The following KIF5C variants were observed in gnomAD, a reference collection of about 807,000 sequenced individuals.
KIF5C encodes kinesin heavy chain isoform 5C.
A neutral mutation model predicts 125.2 loss-of-function variants in KIF5C; 18 were observed. That is an observed-to-expected ratio of 0.14 (90% CI 0.10 to 0.21). The LOEUF is 0.21. Among genes scored for constraint, KIF5C ranks in the 10% least tolerant of loss-of-function variants. The pLI, the probability that KIF5C is intolerant of heterozygous loss-of-function variation, is 1.00. For missense variants in KIF5C, 780 were observed against 1,183.8 expected, an observed-to-expected ratio of 0.66 and a Z score of 5.01; for synonymous variants, 405 against 434.0, an observed-to-expected ratio of 0.93 and a Z score of 0.83.
chr2:148,875,575 G>GCCCCCCCC lies in KIF5C; in HGVS notation c.-37_-36insCCCCCCCC. ...TCCTCCCTCGTCGTTCCCGGCCCCG[G>GCCCCCCCC]CCCCCCACCCATCCCCGTGCCCCCT... On this transcript the variant is annotated 5_prime_UTR_variant, in exon 1 of 26. Transcript: ENST00000435030. 2 of 699,598 alleles carry GCCCCCCCC rather than the reference G, an allele frequency of 2.9e-6. No individual in the cohort carries two copies. Among genetic ancestry groups the GCCCCCCCC allele is most frequent in the Non-Finnish European group, 2.6e-6 (1 of 389,224 alleles). 43.3% of individuals were successfully genotyped at this position (699,598 alleles called of 1,614,324 possible). A position where few individuals can be genotyped will look rare whatever the true frequency, so the allele number is the denominator to read the frequency against.
chr2:148,939,335 TG>T lies in KIF5C; in HGVS notation c.396+1949del, dbSNP rs1682359448. Among the ~76,000 whole-genome samples the T allele has an allele frequency of 5.9e-5, 9 of 152,358 alleles. No individual in the cohort carries two copies. In the South Asian group the frequency reaches 1.9e-3, roughly 32 times the overall value. On this transcript the variant is annotated intron_variant, in intron 4 of 25. Coordinates refer to ENST00000435030, the MANE Select transcript of KIF5C (RefSeq NM_004522.3). Reference sequence around the variant, plus strand: ...CACTTTTCCTTAGGATTCCTTTTGTTGGCTAAAGCCTGCTTCTCCTTCTTGC... The same window carrying T: ...CACTTTTCCTTAGGATTCCTTTTGTTGCTAAAGCCTGCTTCTCCTTCTTGC...
At chr2:148,938,619 T>C (rs918239131) in intron 4 of KIF5C, among the ~76,000 whole-genome samples, 2 of 152,116 alleles carry the variant, frequency 1.3e-5, no homozygotes, top group Non-Finnish European at 2.9e-5. Context: ...CCTTGCCCGA[T>C]GAGCTGTGTC....
At chr2:148,934,552 C>CAT (rs1180941387) in intron 3 of KIF5C, among the ~76,000 whole-genome samples, 1 of 142,078 alleles carries the variant, frequency 7.0e-6, no homozygotes, top group Non-Finnish European at 1.5e-5. Flanking sequence ...AACACACACG[C>CAT]ATACACACAC....
intron 15 of KIF5C, among the ~76,000 whole-genome samples, chr2:148,988,650 G>A (rs1390848456): frequency 6.6e-6 from 1 of 152,184 alleles, no homozygotes; most frequent in Non-Finnish European, 1.5e-5. Context: ...GATACACCTG[G>A]TCAGGCTCAG....
intron 1 of KIF5C, among the ~76,000 whole-genome samples, chr2:148,883,297 C>T (rs1026778506): frequency 6.6e-6 from 1 of 151,988 alleles, no homozygotes; most frequent in Non-Finnish European, 1.5e-5. Context: ...GTCAGGAGAT[C>T]GAGACCATCC....
rs1682600521 is a variant in KIF5C, at chr2:149,023,667, G to A, written c.*597G>A. On this transcript the variant is annotated 3_prime_UTR_variant, in exon 26 of 26. Coordinates refer to ENST00000435030, the MANE Select transcript of KIF5C (RefSeq NM_004522.3). ...AGTATGGCACCTGTTAAAATGCAAA[G>A]CAAATTTCTTTGGGGCAGAAAAACA... 6.6e-6 allele frequency: 1 copy of A among 152,606 alleles called. No individual in the cohort carries two copies. The highest frequency in any genetic ancestry group is 6.5e-5 in the Admixed American group (1 of 15,284). The allele number at this position is 152,606 out of a possible 1,614,324, so 9.5% of individuals were successfully genotyped here.
At position 149,005,411 on chromosome 2, in the gene KIF5C, C is replaced by T. The variant is rs1484341087; in HGVS notation, c.2392C>T (p.Leu798=). 6.2e-7 allele frequency: 1 copy of T among 1,613,808 alleles called. No individual in the cohort carries two copies. Among genetic ancestry groups the T allele is most frequent in the South Asian group, 1.1e-5 (1 of 90,994 alleles). The change falls in exon 22 of 26, where the codon CTG becomes TTG. Residue 798 remains leucine, a synonymous_variant. Coordinates refer to ENST00000435030, the MANE Select transcript of KIF5C (RefSeq NM_004522.3). ...EETVSRELQT[L]HNLRKLFVQD... ...CTTCCAGTCTAGAGAATTGCAGACA[C>T]TGCACAACCTTCGGAAACTCTTTGT...
intron 3 of KIF5C, among the ~76,000 whole-genome samples, chr2:148,934,602 C>A (rs1682252922): frequency 6.6e-6 from 1 of 150,890 alleles, no homozygotes; most frequent in Non-Finnish European, 1.5e-5. Flanking sequence ...GACACAGACA[C>A]CACATATCAC....
At chr2:148,934,891 TAC>T (rs143299058) in intron 3 of KIF5C, among the ~76,000 whole-genome samples, 10 of 148,052 alleles carry the variant, frequency 6.8e-5, no homozygotes, top group Admixed American at 1.3e-4. Flanking sequence ...CCCCTAACAC[TAC>T]ACACACACAC....
At chr2:148,921,758 A>T (rs1361338258) in intron 1 of KIF5C, among the ~76,000 whole-genome samples, 4 of 151,998 alleles carry the variant, frequency 2.6e-5, no homozygotes, top group Non-Finnish European at 4.4e-5. Flanking sequence ...CTATCTGCTC[A>T]ACTTAATTGA....
chr2:149,014,108 T>G (rs1407415637), intron 25 of KIF5C, among the ~76,000 whole-genome samples: 1 of 152,184 alleles, frequency 6.6e-6, no homozygotes, highest in Non-Finnish European at 1.5e-5. Flanking sequence ...CACTGCATCC[T>G]CTGCCTCCTG....
chr2:148,913,546 C>G (rs958406455), intron 1 of KIF5C, among the ~76,000 whole-genome samples: 5 of 152,206 alleles, frequency 3.3e-5, no homozygotes, highest in African/African-American at 4.8e-5. Flanking sequence ...AGAAGCCTCT[C>G]TATGCATCAT....
intron 12 of KIF5C, among the ~76,000 whole-genome samples, chr2:148,973,941 T>C (rs925260135): frequency 2.6e-5 from 4 of 152,212 alleles, no homozygotes; most frequent in Non-Finnish European, 5.9e-5. Flanking sequence ...TTTAATCATA[T>C]AACCATAAGG....
chr2:148,934,378 C>T lies in KIF5C; in HGVS notation c.292-2906C>T, dbSNP rs570739312. Among the ~76,000 whole-genome samples, 22 of 151,470 alleles carry T rather than the reference C, an allele frequency of 1.5e-4. No homozygotes were observed. The East Asian group carries it at 4.1e-3, about 28-fold the overall frequency. ...CACGCATACCACACACTATATACCACACCCCCACATACATCATACACACAC... is the reference window on the plus strand; with the variant it reads ...CACGCATACCACACACTATATACCATACCCCCACATACATCATACACACAC... On this transcript the variant is annotated intron_variant, in intron 3 of 25. Coordinates refer to ENST00000435030, the MANE Select transcript of KIF5C (RefSeq NM_004522.3).
rs1681154725 is a variant in KIF5C at position 148,875,539 on chromosome 2, A to T, written c.-79A>T. 1 of 1,221,836 alleles carries T rather than the reference A, an allele frequency of 8.2e-7. No individual in the cohort carries two copies. The highest frequency in any genetic ancestry group is 1.2e-6 in the Non-Finnish European group (1 of 854,758). The allele number at this position is 1,221,836 out of a possible 1,614,324, so 75.7% of individuals were successfully genotyped here. ...GAGGCGGCCTAGCTGTGGGCGGTGC[A>T]GCTCGCGGCCTCCTCCCTCGTCGTT... On this transcript the variant is annotated 5_prime_UTR_variant, in exon 1 of 26. Coordinates refer to ENST00000435030, the MANE Select transcript of KIF5C (RefSeq NM_004522.3).
chr2:148,970,324 CA>C (rs1187088328), intron 11 of KIF5C, among the ~76,000 whole-genome samples: 4 of 152,182 alleles, frequency 2.6e-5, no homozygotes, highest in African/African-American at 9.6e-5. Flanking sequence ...GCCAAGCCTA[CA>C]AAGTTGCAAA....
In KIF5C at chr2:148,950,410, C is replaced by T. The variant is rs759235556; in HGVS notation, c.916C>T (p.Pro306Ser). 2.5e-6 allele frequency: 4 copies of T among 1,613,992 alleles called. No homozygotes were observed. The highest frequency in any genetic ancestry group is 2.2e-5 in the South Asian group (2 of 91,074). ...AACCACCATCGTCATTTGCTGTTCT[C>T]CTTCTGTCTTCAATGAGGCTGAGAC... ...CRTTIVICCS[P>S]SVFNEAETKS... Residue 306 changes from proline to serine, a missense_variant, in exon 10 of 26, where the codon CCT becomes TCT. By Grantham distance (74) the Pro-to-Ser change is moderately conservative (BLOSUM62 -1). Coordinates refer to ENST00000435030, the MANE Select transcript of KIF5C (RefSeq NM_004522.3).
chr2:148,899,733 A>C, intron 1 of KIF5C, among the ~76,000 whole-genome samples: 1 of 151,612 alleles, frequency 6.6e-6, no homozygotes, highest in East Asian at 1.9e-4. Context: ...AAAGAAAACA[A>C]TTGGATAATT....
chr2:148,893,211 T>C (rs1372563155), intron 1 of KIF5C, among the ~76,000 whole-genome samples: 1 of 152,154 alleles, frequency 6.6e-6, no homozygotes, highest in Non-Finnish European at 1.5e-5. Flanking sequence ...TGGAATACAA[T>C]TCCCTGTTTC....
Sources: allele counts gnomAD v4.1 joint callset (sites outside exome capture counted in the v4.1 genomes callset), GRCh38; gene constraint gnomAD v4.1.1; transcripts MANE v1.5; gene names NCBI Gene and HGNC (gene_info 2026-07-23, HGNC 2026-07-21).